Variants in SYNM observed in about 807,000 individuals in gnomAD.
SYNM encodes the protein desmuslin.
Under a neutral mutation model 104.0 loss-of-function variants are expected in SYNM, and 95 were observed. That is an observed-to-expected ratio of 0.91 (90% CI 0.77 to 1.08). The LOEUF is 1.08. SYNM is among the 50% of genes least tolerant of loss of function. SYNM has a pLI of 0.00. For missense variants in SYNM, 2,150 were observed against 2,052.2 expected, an observed-to-expected ratio of 1.05 and a Z score of -0.92; for synonymous variants, 918 against 869.0, an observed-to-expected ratio of 1.06 and a Z score of -0.99.
chr15:99,118,077 C>T (rs2067366215), intron 2 of SYNM, among the ~76,000 whole-genome samples: 1 of 152,234 alleles, frequency 6.6e-6, no homozygotes, highest in Non-Finnish European at 1.5e-5. Flanking sequence ...TGCAGACTCC[C>T]AGCCCTGCTG....
chr15:99,132,849 AATG>A lies in SYNM; in HGVS notation c.4491_4493del (p.Asp1498del). ...TTCCTGGAGAGACGCGGACAGTAGG[AATG>A]ACCAGGCAGTTGGTGTGAGCTTTAA... On this transcript the variant is annotated inframe_deletion, in exon 4 of 4. Transcript: ENST00000336292. 1 of 1,613,880 alleles carries A rather than the reference AATG, an allele frequency of 6.2e-7. No homozygotes were observed. Among genetic ancestry groups the A allele is most frequent in the Non-Finnish European group, 8.5e-7 (1 of 1,179,856 alleles).
intron 3 of SYNM, among the ~76,000 whole-genome samples, chr15:99,127,041 G>A (rs1283398874): frequency 6.6e-6 from 1 of 152,230 alleles, no homozygotes; most frequent in African/African-American, 2.4e-5. Flanking sequence ...AGGAGCGGAA[G>A]GGGCTAATGG....
intron 2 of SYNM, among the ~76,000 whole-genome samples, chr15:99,114,424 G>A (rs191848088): frequency 7.9e-5 from 12 of 152,098 alleles, no homozygotes; most frequent in South Asian, 2.1e-4. Context: ...GTTACAAATC[G>A]AGATGAGGTT....
rs2067529918 is a variant in SYNM, at chr15:99,133,040, T to G, written c.4680T>G (p.Asn1560Lys). The change falls in exon 4 of 4, where the codon AAT becomes AAG. Residue 1560 changes from asparagine to lysine, a missense_variant. Physicochemically the swap from Asn to Lys is moderately conservative, Grantham distance 94. Coordinates refer to ENST00000336292, the MANE Select transcript of SYNM (RefSeq NM_145728.3). ...ATCTAGACAATGAGGAGGAGGAGAA[T>G]GATGGGCATTGGTTTTAATAAGCAG... ...LLYLDNEEEE[N>K]DGHWF is the part of the protein sequence containing the mutation. 1 of 1,613,526 alleles carries G rather than the reference T, an allele frequency of 6.2e-7. No homozygotes were observed. The highest frequency in any genetic ancestry group is 1.3e-5 in the African/African-American group (1 of 74,898).
Position 99,125,816 on chromosome 15 carries a change from C to T in SYNM, c.936-906C>T, listed in dbSNP as rs2067442154. On this transcript the variant is annotated intron_variant, in intron 2 of 3. Transcript: ENST00000336292. ...CTCTAGCAACTGAGAAACTGTTGCA[C>T]CCAGAGCTGCCAGCAGCCCAAGGGG... is the stretch of plus-strand genomic sequence containing the variant. 2.0e-5 allele frequency among the ~76,000 whole-genome samples: 3 copies of T among 152,294 alleles called. 1 individual carries two copies. In the South Asian group the frequency reaches 6.2e-4, roughly 32 times the overall value.
Position 99,131,290 on chromosome 15 carries a change from G to T in SYNM, c.2930G>T (p.Gly977Val). The T allele has an allele frequency of 6.2e-7, 1 of 1,612,562 alleles. No individual in the cohort carries two copies. The change falls in exon 4 of 4, where the codon GGT (glycine) becomes GTT (valine). Residue 977 changes from glycine (G) to valine (V), a missense_variant. Gly to Val is a moderately radical substitution (Grantham distance 109). Transcript: ENST00000336292. This position sits in a 1 kb window ranked among gnomAD's most constrained non-coding sequence, Gnocchi z 4.3. ...TCCGCCCTCACCAGAGAGGGGCAGG[G>T]TGGGCCGGGGAGCGTTTCCGTGGAT... ...ELSALTREGQ[G>V]GPGSVSVDVK...
chr15:99,139,768 TTTTG>T (rs541482700), downstream of SYNM: 294 of 1,298,992 alleles, frequency 2.3e-4, no homozygotes, highest in East Asian at 0.013. Flanking sequence ...AAAAAAATAG[TTTTG>T]TTTTTTTTGT....
In SYNM at chr15:99,132,882, T is replaced by C. The variant is rs781789494; in HGVS notation, c.4522T>C (p.Ser1508Pro). 6.2e-7 allele frequency: 1 copy of C among 1,613,704 alleles called. No homozygotes were observed. The highest frequency in any genetic ancestry group is 1.1e-5 in the South Asian group (1 of 91,032). ...GGCAGTTGGTGTGAGCTTTAAGGCC[T>C]CTGCTGGGGAAGGAGACCAGGCCCA... ...DQAVGVSFKA[S>P]AGEGDQAHRE... Residue 1508 changes from serine to proline, a missense_variant, in exon 4 of 4, where the codon TCT becomes CCT. Coordinates refer to ENST00000336292, the MANE Select transcript of SYNM (RefSeq NM_145728.3).
At chr15:99,141,403 A>G in the SYNM span, among the ~76,000 whole-genome samples, 15 of 152,186 alleles carry the variant, frequency 9.9e-5, no homozygotes, top group Non-Finnish European at 2.1e-4. Context: ...GAGCATGGGA[A>G]TGATATCAAA....
At chr15:99,125,614 A>G (rs1388130275) in intron 2 of SYNM, among the ~76,000 whole-genome samples, 1 of 152,196 alleles carries the variant, frequency 6.6e-6, no homozygotes, top group Non-Finnish European at 1.5e-5. Context: ...ATGGAAATAC[A>G]ACTCAGTGCA....
downstream of SYNM, chr15:99,137,679 G>A (rs143039553): frequency 1.4e-3 from 367 of 270,120 alleles, 1 homozygote; most frequent in Non-Finnish European, 8.1e-4. Context: ...ACAAGCAGAT[G>A]CCGGGCTGAC....
rs1178023416 is a variant in SYNM at position 99,132,941 on chromosome 15, TAAG to T, written c.4585_4587del (p.Lys1529del). On this transcript the variant is annotated inframe_deletion, in exon 4 of 4. Coordinates refer to ENST00000336292, the MANE Select transcript of SYNM (RefSeq NM_145728.3). The stretch of plus-strand genomic sequence containing the variant: ...AGGGCAAGGAGCAGGCCATGTTTGA[TAAG>T]AAGGTGCAGCTCCAGAGAATGGTAG... 5.6e-6 allele frequency: 9 copies of T among 1,613,074 alleles called. No homozygotes were observed. The African/African-American group carries it at 6.7e-5, about 12-fold the overall frequency.
Position 99,105,477 on chromosome 15 carries a change from G to A in SYNM, c.278G>A (p.Arg93Gln). 1.5e-6 allele frequency: 2 copies of A among 1,371,954 alleles called. No individual in the cohort carries two copies. Among genetic ancestry groups the A allele is most frequent in the East Asian group, 3.2e-5 (1 of 31,592 alleles). The allele number at this position is 1,371,954 out of a possible 1,614,324, so 85.0% of individuals were successfully genotyped here. A position where few individuals can be genotyped will look rare whatever the true frequency, so the allele number is the denominator to read the frequency against. The stretch of plus-strand genomic sequence containing the variant: ...CGGGACGCTCTGCGGCGCGAGCTGC[G>A]GGAGCTGCAGCGCCTGGATGCGGAG... ...GERDALRREL[R>Q]ELQRLDAEER... Residue 93 changes from arginine (R) to glutamine (Q), a missense_variant, in exon 1 of 4, where the codon CGG becomes CAG. Transcript: ENST00000336292.
Position 99,131,966 on chromosome 15 carries a change from G to A in SYNM, c.3606G>A (p.Ser1202=), listed in dbSNP as rs201454977. 1.1e-4 allele frequency: 172 copies of A among 1,613,814 alleles called. 1 individual carries two copies. The highest frequency in any genetic ancestry group is 4.5e-4 in the South Asian group (41 of 91,088). The change falls in exon 4 of 4, where the codon TCG becomes TCA. Residue 1202 remains serine, a synonymous_variant. Transcript: ENST00000336292. The surrounding 1 kb of genome is among the most constrained non-coding windows in gnomAD (Gnocchi z 4.3). ...CTGCCTGTCCAGAGGCATGGGGCTC[G>A]CCAGAACCTGGCCCAGCAGAGTCTT... ...PAPACPEAWG[S]PEPGPAESSA...
Position 99,129,674 on chromosome 15 carries a change from T to C in SYNM, c.1314T>C (p.Thr438=), listed in dbSNP as rs2067479894. 3 of 1,613,794 alleles carry C rather than the reference T, an allele frequency of 1.9e-6. No homozygotes were observed. The highest frequency in any genetic ancestry group is 1.1e-5 in the South Asian group (1 of 91,084). Residue 438 remains threonine, a synonymous_variant, in exon 4 of 4, where the codon ACT becomes ACC. Transcript: ENST00000336292. ...CAACCTATGGCCTTTTAAGAAATAC[T>C]GAGGCTCAAGTGAAAACATTCCCTG... is the stretch of plus-strand genomic sequence containing the variant. ...FSPTYGLLRN[T]EAQVKTFPDR... is the part of the protein sequence containing the mutation.
intron 2 of SYNM, among the ~76,000 whole-genome samples, chr15:99,124,981 C>T: frequency 6.6e-6 from 1 of 152,228 alleles, no homozygotes; most frequent in Non-Finnish European, 1.5e-5. Context: ...CGTGTGGGTC[C>T]TGAACTCTAT....
downstream of SYNM, chr15:99,140,340 T>G (rs892436166): frequency 1.3e-5 from 2 of 152,134 alleles, no homozygotes; most frequent in Non-Finnish European, 2.9e-5. Flanking sequence ...ATGCAAAACT[T>G]GGAGCTTTTA....
In SYNM at chr15:99,105,811, C is replaced by T; in HGVS notation, c.612C>T (p.Asp204=). The T allele has an allele frequency of 6.5e-7, 1 of 1,541,724 alleles. No individual in the cohort carries two copies. Residue 204 remains aspartate, a synonymous_variant, in exon 1 of 4, where the codon GAC becomes GAT. Coordinates refer to ENST00000336292, the MANE Select transcript of SYNM (RefSeq NM_145728.3). Reference sequence around the variant, plus strand: ...GGGAGACGGTGCAGCTGTACGAGGACGAGGTGCGCGAGCTGGAGGAGGCGC... The same window carrying T: ...GGGAGACGGTGCAGCTGTACGAGGATGAGGTGCGCGAGCTGGAGGAGGCGC... ...SWRETVQLYE[D]EVRELEEALR...
rs782284105 is a variant in SYNM, at chr15:99,132,077, C to T, written c.3717C>T (p.Pro1239=). The stretch of plus-strand genomic sequence containing the variant: ...AAAAGGAGATTATTTTTCAGGGCCC[C>T]ATTTCTGCTGCAGGGAAGGTTGGTG... ...HAEKEIIFQG[P]ISAAGKVGDY... Residue 1239 remains proline, a synonymous_variant, in exon 4 of 4, where the codon CCC becomes CCT. Coordinates refer to ENST00000336292, the MANE Select transcript of SYNM (RefSeq NM_145728.3). The T allele has an allele frequency of 1.0e-4, 163 of 1,613,826 alleles. 2 individuals carry two copies. The South Asian group carries it at 1.8e-3, about 18-fold the overall frequency.
Sources: allele counts gnomAD v4.1 joint callset (sites outside exome capture counted in the v4.1 genomes callset), GRCh38; gene constraint gnomAD v4.1.1; non-coding constraint Gnocchi (gnomAD v3.1); transcripts MANE v1.5; gene names NCBI Gene and HGNC (gene_info 2026-07-23, HGNC 2026-07-21).